Variants in PDE3A observed in about 807,000 individuals in gnomAD.
PDE3A encodes the protein phosphodiesterase 3A.
A neutral mutation model predicts 98.3 loss-of-function variants in PDE3A; 43 were observed. The observed-to-expected ratio is 0.44, with a 90% CI of 0.34 to 0.56. The LOEUF is 0.56. PDE3A is among the 20% of genes least tolerant of loss of function. The pLI is 0.01. For synonymous variants in PDE3A, 663 were observed against 567.9 expected (o/e 1.17, Z -2.38); for missense variants, 1,427 against 1,440.7 (o/e 0.99, Z 0.15).
In PDE3A at chr12:20,630,072, C is replaced by G. The variant is rs139822381; in HGVS notation, c.1705C>G (p.Gln569Glu). The G allele has an allele frequency of 6.2e-7, 1 of 1,613,902 alleles. No individual in the cohort carries two copies. The highest frequency in any genetic ancestry group is 8.5e-7 in the Non-Finnish European group (1 of 1,179,876). The change falls in exon 6 of 16, where the codon CAG (glutamine) becomes GAG (glutamate). Residue 569 changes from glutamine (Q) to glutamate (E), a missense_variant. Transcript: ENST00000359062. ...TTCTCACAGGGCCTTAACTTACACT[C>G]AGAGTGCCCCAGACCTATCCCCTCA... ...LGSHRALTYT[Q>E]SAPDLSPQIL...
intron 15 of PDE3A, among the ~76,000 whole-genome samples, chr12:20,676,805 G>T (rs1945653909): frequency 6.6e-6 from 1 of 152,122 alleles, no homozygotes; most frequent in East Asian, 1.9e-4. Flanking sequence ...AGCCATCTTT[G>T]ACTTTTGAAA....
chr12:20,441,592 A>G (rs1291860470), intron 1 of PDE3A, among the ~76,000 whole-genome samples: 3 of 152,218 alleles, frequency 2.0e-5, no homozygotes, highest in African/African-American at 7.2e-5. Flanking sequence ...TACAACTAAT[A>G]TGTGGCAGCA....
chr12:20,632,728 A>C (rs952595793), intron 6 of PDE3A, among the ~76,000 whole-genome samples: 29 of 152,036 alleles, frequency 1.9e-4, no homozygotes, highest in African/African-American at 6.5e-4. Flanking sequence ...CTCAACCAGC[A>C]TCCTATGTAG....
At chr12:20,478,818 C>G (rs1945573328) in intron 1 of PDE3A, among the ~76,000 whole-genome samples, 1 of 152,144 alleles carries the variant, frequency 6.6e-6, no homozygotes, top group East Asian at 1.9e-4. Flanking sequence ...AAAATAGTCA[C>G]TCTTTGACTA....
In PDE3A at chr12:20,629,939, G is replaced by A. The variant is rs149916680; in HGVS notation, c.1572G>A (p.Ser524=). ...TCGCTAAAATTTCACCTCTTTCATC[G>A]CCCTGCTCCTCACCTCTCCAAGGGA... ...GALAKISPLS[S]PCSSPLQGTP... is the part of the protein sequence containing the mutation. Residue 524 remains serine (S), a synonymous_variant, in exon 6 of 16, where the codon TCG becomes TCA. Coordinates refer to ENST00000359062, the MANE Select transcript of PDE3A (RefSeq NM_000921.5). 1.2e-6 allele frequency: 2 copies of A among 1,613,662 alleles called. No individual in the cohort carries two copies. The highest frequency in any genetic ancestry group is 1.7e-6 in the Non-Finnish European group (2 of 1,179,854).
At chr12:20,606,500 C>T (rs937012979) in intron 2 of PDE3A, among the ~76,000 whole-genome samples, 15 of 152,182 alleles carry the variant, frequency 9.9e-5, no homozygotes, top group African/African-American at 3.4e-4. Flanking sequence ...CACACATATT[C>T]GAAGATTTCC....
chr12:20,393,716 A>G (rs1037688354), intron 1 of PDE3A, among the ~76,000 whole-genome samples: 1 of 152,066 alleles, frequency 6.6e-6, no homozygotes, highest in African/African-American at 2.4e-5. Flanking sequence ...AATTCTGTGT[A>G]CTTTTGGAAA....
chr12:20,635,494 C>T (rs1488866600), intron 8 of PDE3A, among the ~76,000 whole-genome samples: 3 of 151,552 alleles, frequency 2.0e-5, no homozygotes, highest in Admixed American at 6.6e-5. Context: ...AGTAGAATCG[C>T]TTGAACCCAG....
chr12:20,534,423 G>T (rs1941702431), intron 1 of PDE3A, among the ~76,000 whole-genome samples: 2 of 152,128 alleles, frequency 1.3e-5, no homozygotes, highest in South Asian at 2.1e-4. Context: ...AGGTGATTAT[G>T]ATCTACCTCT....
rs149875170 is a variant in PDE3A at position 20,392,841 on chromosome 12, C to T, written c.960+22597C>T. Among the ~76,000 whole-genome samples the T allele has an allele frequency of 6.4e-3, 978 of 152,090 alleles. 11 individuals carry two copies. Among genetic ancestry groups the T allele is most frequent in the African/African-American group, 0.022 (914 of 41,522 alleles). On this transcript the variant is annotated intron_variant, in intron 1 of 15. Coordinates refer to ENST00000359062, the MANE Select transcript of PDE3A (RefSeq NM_000921.5). ...GTCATTTGCAGCAACATGGCTAGAA[C>T]TGGAGGTCATTATGTTAGGGAAAAT...
At chr12:20,448,751 G>GTTTTTTTTTTTTTTTTT (rs1265923346) in intron 1 of PDE3A, among the ~76,000 whole-genome samples, 3 of 134,324 alleles carry the variant, frequency 2.2e-5, no homozygotes, top group Non-Finnish European at 3.2e-5. Flanking sequence ...TTTATTTTAA[G>GTTTTTTTTTTTTTTTTT]GTTTTTTTTT....
chr12:20,567,758 C>G (rs750164031), intron 2 of PDE3A, among the ~76,000 whole-genome samples: 1 of 151,742 alleles, frequency 6.6e-6, no homozygotes. Flanking sequence ...ATGATATGAC[C>G]AGGCTTTTCA....
intron 1 of PDE3A, among the ~76,000 whole-genome samples, chr12:20,486,752 G>A (rs1180856131): frequency 1.3e-5 from 2 of 152,180 alleles, no homozygotes; most frequent in Non-Finnish European, 2.9e-5. Context: ...TCATGCGTCA[G>A]CCTCCCAGGT....
chr12:20,479,198 C>T (rs1945580995), intron 1 of PDE3A, among the ~76,000 whole-genome samples: 1 of 152,142 alleles, frequency 6.6e-6, no homozygotes. Flanking sequence ...TAGTCATTCC[C>T]TTAAAAGGTT....
At position 20,667,489 on chromosome 12, in the gene PDE3A, G is replaced by A. The variant is rs989963736; in HGVS notation, c.3185-12541G>A. Reference sequence around the variant, plus strand: ...GGAGTCTAGTTTCATTCTTCTGCATGTGAATATCCAATTTTCCCAGCACCA... The same window carrying A: ...GGAGTCTAGTTTCATTCTTCTGCATATGAATATCCAATTTTCCCAGCACCA... On this transcript the variant is annotated intron_variant, in intron 15 of 15. Transcript: ENST00000359062. Among the ~76,000 whole-genome samples the A allele has an allele frequency of 2.0e-5, 3 of 152,228 alleles. No homozygotes were observed. The South Asian group carries it at 6.2e-4, about 32-fold the overall frequency.
chr12:20,433,334 A>G (rs1944728319), intron 1 of PDE3A, among the ~76,000 whole-genome samples: 1 of 152,172 alleles, frequency 6.6e-6, no homozygotes, highest in Non-Finnish European at 1.5e-5. Flanking sequence ...TGTTCCTGAA[A>G]TGAAACAAGA....
At chr12:20,592,510 T>C (rs1287588830) in intron 2 of PDE3A, among the ~76,000 whole-genome samples, 1 of 152,214 alleles carries the variant, frequency 6.6e-6, no homozygotes, top group African/African-American at 2.4e-5. Flanking sequence ...CAATGATGTA[T>C]GTGTGCTGTT....
chr12:20,372,713 C>T (rs1322326810), intron 1 of PDE3A, among the ~76,000 whole-genome samples: 2 of 152,050 alleles, frequency 1.3e-5, no homozygotes, highest in Admixed American at 6.6e-5. Context: ...ATAACACTCC[C>T]CTGAATGTCA....
At chr12:20,616,115 C>A in intron 3 of PDE3A, 115 bp from the exon 4 acceptor site, 1 of 900,024 alleles carries the variant, frequency 1.1e-6, no homozygotes, top group Non-Finnish European at 1.6e-6. Context: ...TGATATTAAA[C>A]CAATGTAATT....
Sources: allele counts gnomAD v4.1 joint callset (sites outside exome capture counted in the v4.1 genomes callset), GRCh38; gene constraint gnomAD v4.1.1; transcripts MANE v1.5; gene names NCBI Gene and HGNC (gene_info 2026-07-23, HGNC 2026-07-21).